Variants in NUP58 observed in about 807,000 individuals in gnomAD.
NUP58 encodes the protein nucleoporin p58/p45.
Under a neutral mutation model 70.1 loss-of-function variants are expected in NUP58, and 17 were observed. The observed-to-expected ratio is 0.24, with a 90% CI of 0.17 to 0.36. The LOEUF is 0.36. Among genes scored for constraint, NUP58 ranks in the 10% least tolerant of loss-of-function variants. The pLI is 1.00. For missense variants in NUP58, 644 were observed against 701.5 expected (o/e 0.92, Z 0.93); for synonymous variants, 275 against 257.6 (o/e 1.07, Z -0.65).
chr13:25,323,447 T>C (rs2031270578), intron 9 of NUP58, among the ~76,000 whole-genome samples: 1 of 151,590 alleles, frequency 6.6e-6, no homozygotes, highest in Admixed American at 6.6e-5. Flanking sequence ...GAAAAAAAAA[T>C]AAACATTTTT....
intron 3 of NUP58, among the ~76,000 whole-genome samples, chr13:25,347,776 C>A (rs975438703): frequency 6.6e-6 from 1 of 152,102 alleles, no homozygotes; most frequent in Non-Finnish European, 1.5e-5. Context: ...AATAAAAATT[C>A]TTTCAAATCA....
chr13:25,335,629 ATTGT>A, intron 13 of NUP58: 4 of 984,980 alleles, frequency 4.1e-6, no homozygotes, highest in Non-Finnish European at 4.8e-6. Flanking sequence ...GCTATTAGTT[ATTGT>A]TTGTTTTCTG....
intron 7 of NUP58, 50 bp downstream of exon 7, chr13:25,319,400 T>TA: frequency 6.6e-7 from 1 of 1,517,416 alleles, no homozygotes; most frequent in East Asian, 2.3e-5. Flanking sequence ...GAGTTTAACT[T>TA]ATTAAATTGT....
In NUP58 at chr13:25,320,931, G is replaced by A; in HGVS notation, c.789G>A (p.Lys263=). 6.5e-7 allele frequency: 1 copy of A among 1,546,572 alleles called. No homozygotes were observed. Among genetic ancestry groups the A allele is most frequent in the Admixed American group, 2.3e-5 (1 of 42,554 alleles). ...ATATATTTTTTAGGAAATTTGTGAA[G>A]GAGCAGAAACAAGTTCAAGAAGAAA... ...QDVENLQKFV[K]EQKQVQEEIS... is the part of the protein sequence containing the mutation. The change falls in exon 9 of 16, where the codon AAG becomes AAA. Residue 263 remains lysine, a synonymous_variant. Transcript: ENST00000381736.
intron 7 of NUP58, chr13:25,320,273 T>C (rs2031125526): frequency 3.3e-6 from 1 of 303,542 alleles, no homozygotes; most frequent in Admixed American, 5.3e-5. Context: ...TCATATGCTT[T>C]TAAGTATGTT....
At chr13:25,323,070 T>C (rs905195883) in intron 9 of NUP58, among the ~76,000 whole-genome samples, 1 of 152,190 alleles carries the variant, frequency 6.6e-6, no homozygotes, top group African/African-American at 2.4e-5. Flanking sequence ...GTAGCTGTCA[T>C]ATAATGGGCA....
At chr13:25,320,284 T>G in intron 7 of NUP58, 1 of 342,298 alleles carries the variant, frequency 2.9e-6, no homozygotes, top group Non-Finnish European at 5.2e-6. Flanking sequence ...TAAGTATGTT[T>G]TTAATAGATG....
chr13:25,323,560 C>T (rs1025540942), intron 9 of NUP58, among the ~76,000 whole-genome samples: 3 of 152,100 alleles, frequency 2.0e-5, no homozygotes, highest in Non-Finnish European at 4.4e-5. Flanking sequence ...TCTGAATCCT[C>T]TATAAAGTAT....
Position 25,327,006 on chromosome 13 carries a change from A to T in NUP58, c.1122A>T (p.Gln374His). 6.2e-7 allele frequency: 1 copy of T among 1,603,074 alleles called. No homozygotes were observed. The highest frequency in any genetic ancestry group is 8.5e-7 in the Non-Finnish European group (1 of 1,173,280). Residue 374 changes from glutamine (Q) to histidine (H), a missense_variant, in exon 11 of 16, where the codon CAA becomes CAT. By Grantham distance (24) the Gln-to-His change is conservative. Transcript: ENST00000381736. ...AACTAGAAAACCATCTTGCCACTCAAGCAAATAATTCACATATAACCCCTC... is the reference window on the plus strand; with the variant it reads ...AACTAGAAAACCATCTTGCCACTCATGCAAATAATTCACATATAACCCCTC... The part of the protein sequence containing the change: ...IEELENHLAT[Q>H]ANNSHITPQD...
chr13:25,321,756 A>G (rs1346788119), intron 9 of NUP58, among the ~76,000 whole-genome samples: 2 of 152,098 alleles, frequency 1.3e-5, no homozygotes, highest in Admixed American at 1.3e-4. Flanking sequence ...GTCTCTACTA[A>G]AAATACAATA....
At chr13:25,315,717 C>T (rs779320096) in intron 6 of NUP58, among the ~76,000 whole-genome samples, 11 of 152,116 alleles carry the variant, frequency 7.2e-5, no homozygotes, top group Non-Finnish European at 7.4e-5. Context: ...TATTTTAATG[C>T]TGCTTAATAT....
intron 14 of NUP58, 44 bp from the exon 15 acceptor site, chr13:25,338,592 T>C (rs369911328): frequency 7.2e-7 from 1 of 1,383,112 alleles, no homozygotes; most frequent in Non-Finnish European, 1.0e-6. Context: ...CTTTAACCTG[T>C]GTTTTATGTG....
At chr13:25,309,994 A>G in intron 3 of NUP58, 1 of 403,566 alleles carries the variant, frequency 2.5e-6, no homozygotes, top group African/African-American at 2.1e-5. Context: ...AAAGTTTTGG[A>G]CTGGATCAGC....
At chr13:25,347,084 G>A (rs1257658039), downstream of NUP58, among the ~76,000 whole-genome samples, 4 of 152,184 alleles carry the variant, frequency 2.6e-5, no homozygotes, top group African/African-American at 9.6e-5. Flanking sequence ...CATAGCCTGA[G>A]GGTAATATTA....
chr13:25,333,050 T>C, intron 13 of NUP58: 2 of 984,804 alleles, frequency 2.0e-6, no homozygotes, highest in Non-Finnish European at 2.4e-6. Context: ...GTCAGTTATA[T>C]AAAAAGTTAT....
intron 7 of NUP58, chr13:25,320,218 T>G (rs1385718876): frequency 5.1e-6 from 1 of 195,116 alleles, no homozygotes; most frequent in African/African-American, 2.3e-5. Flanking sequence ...GTTTAACATC[T>G]TACCCAATTT....
At position 25,313,677 on chromosome 13, in the gene NUP58, C is replaced by A; in HGVS notation, c.500C>A (p.Thr167Lys). 4.6e-6 allele frequency: 7 copies of A among 1,530,694 alleles called. No individual in the cohort carries two copies. The highest frequency in any genetic ancestry group is 5.2e-6 in the Non-Finnish European group (6 of 1,152,016). 94.8% of individuals were successfully genotyped at this position (1,530,694 alleles called of 1,614,324 possible). A position where few individuals can be genotyped will look rare whatever the true frequency, so the allele number is the denominator to read the frequency against. Residue 167 changes from threonine to lysine, a missense_variant, in exon 5 of 16, where the codon ACA becomes AAA. Physicochemically the swap from Thr to Lys is moderately conservative, Grantham distance 78 (BLOSUM62 -1). Coordinates refer to ENST00000381736, the MANE Select transcript of NUP58 (RefSeq NM_014089.4). The part of the protein sequence containing the change: ...GTTATTTTAS[T>K]GLSLGGALAG... Reference sequence around the variant, plus strand: ...ACAGCCACAACTACAACTGCATCAACAGGCCTCTCTTTAGGGGGAGCCTTA... The same window carrying A: ...ACAGCCACAACTACAACTGCATCAAAAGGCCTCTCTTTAGGGGGAGCCTTA...
chr13:25,318,355 A>G (rs989273882), intron 6 of NUP58, among the ~76,000 whole-genome samples: 1 of 152,096 alleles, frequency 6.6e-6, no homozygotes, highest in Non-Finnish European at 1.5e-5. Flanking sequence ...TTGTAGCCAC[A>G]GGGTTTTGCC....
chr13:25,323,938 C>T (rs940029389), intron 9 of NUP58, among the ~76,000 whole-genome samples: 1 of 152,108 alleles, frequency 6.6e-6, no homozygotes, highest in Non-Finnish European at 1.5e-5. Context: ...TGTAGGGGCA[C>T]AGAGGCCTCA....
Sources: allele counts gnomAD v4.1 joint callset (sites outside exome capture counted in the v4.1 genomes callset), GRCh38; gene constraint gnomAD v4.1.1; transcripts MANE v1.5; gene names NCBI Gene and HGNC (gene_info 2026-07-23, HGNC 2026-07-21).